Variants in VTI1A observed in about 807,000 individuals in gnomAD.
VTI1A encodes the protein vesicle transport through interaction with t-SNAREs homolog 1A.
A neutral mutation model predicts 34.9 loss-of-function variants in VTI1A; 22 were observed. The observed-to-expected ratio is 0.63, with a 90% CI of 0.45 to 0.90. VTI1A has a LOEUF of 0.90. Ranked by LOEUF, VTI1A falls within the 40% of genes least tolerant of loss-of-function variation. VTI1A has a pLI of 0.00. For missense variants in VTI1A, 268 were observed against 275.6 expected (o/e 0.97, Z 0.20); for synonymous variants, 87 against 97.3 (o/e 0.89, Z 0.62).
intron 7 of VTI1A, among the ~76,000 whole-genome samples, chr10:112,761,860 C>CGT (rs1554958864): frequency 6.6e-6 from 1 of 151,592 alleles, no homozygotes; most frequent in East Asian, 1.9e-4. Context: ...TATCTATACA[C>CGT]GTAGCAATCT....
intron 3 of VTI1A, among the ~76,000 whole-genome samples, chr10:112,481,892 C>T (rs1052041795): frequency 7.9e-5 from 12 of 152,112 alleles, no homozygotes; most frequent in Middle Eastern, 3.2e-3. Context: ...GGGAAAATAA[C>T]GTACAACTTG....
At chr10:112,611,264 G>A (rs931225443) in intron 5 of VTI1A, among the ~76,000 whole-genome samples, 1 of 152,184 alleles carries the variant, frequency 6.6e-6, no homozygotes, top group African/African-American at 2.4e-5. Flanking sequence ...AGGTAGAACA[G>A]AATAAAATGT....
intron 5 of VTI1A, among the ~76,000 whole-genome samples, chr10:112,576,545 T>G (rs1168131575): frequency 1.3e-5 from 2 of 152,234 alleles, no homozygotes; most frequent in Non-Finnish European, 2.9e-5. Context: ...GAAATTACAT[T>G]TTAAATATAT....
At chr10:112,805,611 A>G (rs929809748) in intron 7 of VTI1A, among the ~76,000 whole-genome samples, 7 of 152,236 alleles carry the variant, frequency 4.6e-5, no homozygotes, top group Non-Finnish European at 2.9e-5. Context: ...AAGATGAGGT[A>G]CGGGAATAGG....
chr10:112,816,787 A>C lies in VTI1A; in HGVS notation c.*1404A>C, dbSNP rs994816086. ...GCTAACCACCTGTGCCCGTGGATCA[A>C]TATCACCTGGATGTAGTGCTTGATA... On this transcript the variant is annotated 3_prime_UTR_variant, in exon 8 of 8. Transcript: ENST00000393077. The C allele has an allele frequency of 2.6e-5, 6 of 229,012 alleles. No homozygotes were observed. Among genetic ancestry groups the C allele is most frequent in the African/African-American group, 1.1e-4 (5 of 45,156 alleles). The allele number at this position is 229,012 out of a possible 1,614,324, so 14.2% of individuals were successfully genotyped here.
intron 3 of VTI1A, among the ~76,000 whole-genome samples, chr10:112,526,741 C>T (rs754502687): frequency 6.6e-6 from 1 of 151,620 alleles, no homozygotes; most frequent in Non-Finnish European, 1.5e-5. Flanking sequence ...GTCTTAAGTA[C>T]AATCTAGTGA....
At chr10:112,606,482 G>T (rs905984439) in intron 5 of VTI1A, among the ~76,000 whole-genome samples, 7 of 152,168 alleles carry the variant, frequency 4.6e-5, no homozygotes, top group African/African-American at 1.7e-4. Context: ...TTTCCAGGAA[G>T]TGGGGCAAGT....
chr10:112,498,054 C>T (rs1849090477), intron 3 of VTI1A, among the ~76,000 whole-genome samples: 1 of 152,098 alleles, frequency 6.6e-6, no homozygotes, highest in South Asian at 2.1e-4. Context: ...CATTATGATT[C>T]AGAATATTTG....
intron 7 of VTI1A, among the ~76,000 whole-genome samples, chr10:112,791,187 T>A (rs1169419863): frequency 1.3e-5 from 2 of 152,192 alleles, no homozygotes; most frequent in East Asian, 3.8e-4. Context: ...AAAAATGCCC[T>A]AGTCATCAGG....
intron 5 of VTI1A, among the ~76,000 whole-genome samples, chr10:112,572,396 G>A (rs1852158591): frequency 6.6e-6 from 1 of 152,128 alleles, no homozygotes; most frequent in African/African-American, 2.4e-5. Flanking sequence ...TTCTTTGGTA[G>A]TTTTCTTATT....
chr10:112,803,158 T>TTAG (rs1852935476), intron 7 of VTI1A, among the ~76,000 whole-genome samples: 1 of 152,154 alleles, frequency 6.6e-6, no homozygotes, highest in Non-Finnish European at 1.5e-5. Context: ...AACCTCTGCC[T>TTAG]CCTGGGTTCA....
the VTI1A span, among the ~76,000 whole-genome samples, chr10:112,851,407 T>C: frequency 6.6e-6 from 1 of 152,238 alleles, no homozygotes; most frequent in African/African-American, 2.4e-5. Flanking sequence ...CTTCATATGC[T>C]TCTTCCCCTG....
chr10:112,669,229 G>C (rs1847758553), intron 7 of VTI1A, among the ~76,000 whole-genome samples: 1 of 152,074 alleles, frequency 6.6e-6, no homozygotes, highest in Admixed American at 6.6e-5. Flanking sequence ...CTCAAGCTAT[G>C]GAAAAAATTA....
intron 5 of VTI1A, among the ~76,000 whole-genome samples, chr10:112,649,871 A>G (rs10885365): frequency 0.54 from 81,965 of 151,984 alleles, 23,720 homozygotes; most frequent in Non-Finnish European, 0.65. Context: ...ATAAGAGATA[A>G]AAAATGATCC....
At chr10:112,807,635 C>T (rs1853132570) in intron 7 of VTI1A, among the ~76,000 whole-genome samples, 1 of 152,104 alleles carries the variant, frequency 6.6e-6, no homozygotes, top group Non-Finnish European at 1.5e-5. Context: ...AGGAGGATCA[C>T]CTGAGGTCAG....
chr10:112,686,215 T>A (rs1459178434), intron 7 of VTI1A, among the ~76,000 whole-genome samples: 4 of 152,230 alleles, frequency 2.6e-5, no homozygotes, highest in Non-Finnish European at 4.4e-5. Context: ...GAAGACTATG[T>A]GGCAGGTGAA....
At chr10:112,696,786 T>C (rs568338304) in intron 7 of VTI1A, among the ~76,000 whole-genome samples, 1 of 152,316 alleles carries the variant, frequency 6.6e-6, no homozygotes, top group South Asian at 2.1e-4. Flanking sequence ...ACCATGCTTT[T>C]TCTGCTGAGG....
chr10:112,737,162 C>T (rs1476073921), intron 7 of VTI1A: 4 of 319,234 alleles, frequency 1.3e-5, no homozygotes, highest in African/African-American at 2.2e-5. Context: ...CCTCCACCTC[C>T]CAGGTCCAAG....
intron 5 of VTI1A, among the ~76,000 whole-genome samples, chr10:112,551,925 A>C (rs1020580859): frequency 6.6e-5 from 10 of 152,226 alleles, no homozygotes; most frequent in African/African-American, 2.4e-4. Flanking sequence ...TTTTACTTGA[A>C]AGTGATAACA....
Sources: allele counts gnomAD v4.1 joint callset (sites outside exome capture counted in the v4.1 genomes callset), GRCh38; gene constraint gnomAD v4.1.1; transcripts MANE v1.5; gene names NCBI Gene and HGNC (gene_info 2026-07-23, HGNC 2026-07-21).